Variants in RABGAP1L observed in about 807,000 individuals in gnomAD.
RABGAP1L encodes the protein RAB GTPase activating protein 1 like, also known as rab GTPase-activating protein 1-like.
A neutral mutation model predicts 137.7 loss-of-function variants in RABGAP1L; 63 were observed. The ratio of observed to expected loss-of-function variants is 0.46; its 90% CI spans 0.37 to 0.56. The LOEUF (loss-of-function observed/expected upper bound fraction) is 0.56, where lower values mean the gene tolerates loss of function less well. Ranked by LOEUF, RABGAP1L falls within the 20% of genes least tolerant of loss-of-function variation. The pLI is 0.00. For synonymous variants in RABGAP1L, 431 were observed against 433.7 expected (o/e 0.99, Z 0.08); for missense variants, 1,095 against 1,244.0 (o/e 0.88, Z 1.80).
At chr1:174,618,100 C>T (rs921680703) in intron 13 of RABGAP1L, among the ~76,000 whole-genome samples, 4 of 152,174 alleles carry the variant, frequency 2.6e-5, no homozygotes, top group African/African-American at 7.2e-5. Flanking sequence ...GTGGGAGGGG[C>T]GCCCGCCATT....
At chr1:174,420,000 A>G (rs377657568) in intron 13 of RABGAP1L, among the ~76,000 whole-genome samples, 2 of 152,186 alleles carry the variant, frequency 1.3e-5, no homozygotes, top group Admixed American at 6.5e-5. Context: ...TCATTCTTAT[A>G]CTATTAATAT....
chr1:174,786,312 A>C (rs1687442928), intron 18 of RABGAP1L, among the ~76,000 whole-genome samples: 2 of 152,242 alleles, frequency 1.3e-5, no homozygotes, highest in Non-Finnish European at 2.9e-5. Context: ...GGGAACTTTA[A>C]TGATTGGATT....
At chr1:174,756,664 G>T (rs1684791351) in intron 18 of RABGAP1L, among the ~76,000 whole-genome samples, 1 of 152,054 alleles carries the variant, frequency 6.6e-6, no homozygotes, top group Non-Finnish European at 1.5e-5. Context: ...GAAGGCGGAG[G>T]CATGCAAGAG....
rs150475376 is a variant in RABGAP1L at position 174,676,709 on chromosome 1, C to T, written c.1825-6813C>T. 1.1e-4 allele frequency among the ~76,000 whole-genome samples: 16 copies of T among 152,268 alleles called. No individual in the cohort carries two copies. The East Asian group carries it at 2.9e-3, about 28-fold the overall frequency. ...AGCATGGTCAGTAGTATTCCAACAT[C>T]TTTGGATACTGTTAGCTTCAGCCAT... On this transcript the variant is annotated intron_variant, in intron 14 of 25. Coordinates refer to ENST00000681986, the MANE Select transcript of RABGAP1L (RefSeq NM_001366446.1).
Position 174,883,701 on chromosome 1 carries a change from T to C in RABGAP1L, c.2340+71741T>C, listed in dbSNP as rs569472726. 5.3e-5 allele frequency among the ~76,000 whole-genome samples: 8 copies of C among 152,190 alleles called. No homozygotes were observed. The South Asian group carries it at 1.0e-3, about 20-fold the overall frequency. On this transcript the variant is annotated intron_variant, in intron 19 of 25. Coordinates refer to ENST00000681986, the MANE Select transcript of RABGAP1L (RefSeq NM_001366446.1). ...CAGTAATGAACTGGCAGGGCCCACA[T>C]TGACCAAGGAAAAAAATTGTAAAGG... is the stretch of plus-strand genomic sequence containing the variant.
intron 19 of RABGAP1L, among the ~76,000 whole-genome samples, chr1:174,882,739 C>T (rs1355832581): frequency 1.3e-5 from 2 of 152,092 alleles, no homozygotes; most frequent in African/African-American, 4.8e-5. Context: ...ATATCATACA[C>T]ACATGAGCAA....
chr1:174,347,741 G>T (rs773913496), intron 11 of RABGAP1L, among the ~76,000 whole-genome samples: 3 of 152,064 alleles, frequency 2.0e-5, no homozygotes, highest in East Asian at 3.9e-4. Flanking sequence ...TGATCTGCCC[G>T]CCTCGGCCTC....
intron 5 of RABGAP1L, among the ~76,000 whole-genome samples, chr1:174,249,343 A>G (rs1489537456): frequency 6.6e-6 from 1 of 152,152 alleles, no homozygotes; most frequent in East Asian, 1.9e-4. Flanking sequence ...TTCTGTATCT[A>G]GCCCCTGAGG....
chr1:174,670,293 G>C (rs953734725), intron 14 of RABGAP1L, among the ~76,000 whole-genome samples: 1 of 151,276 alleles, frequency 6.6e-6, no homozygotes, highest in Non-Finnish European at 1.5e-5. Context: ...TATATTTATG[G>C]GATACATGAG....
chr1:174,449,876 C>T (rs1655233193), intron 13 of RABGAP1L, among the ~76,000 whole-genome samples: 1 of 152,098 alleles, frequency 6.6e-6, no homozygotes, highest in Non-Finnish European at 1.5e-5. Flanking sequence ...CCCTGGTTTC[C>T]TAACAGTCTC....
chr1:174,324,124 T>C (rs1040612103), intron 11 of RABGAP1L, among the ~76,000 whole-genome samples: 6 of 151,222 alleles, frequency 4.0e-5, no homozygotes, highest in African/African-American at 1.2e-4. Context: ...TGGAAAGTCA[T>C]TTTTTTTTAG....
At chr1:174,254,065 A>G (rs563390787) in intron 7 of RABGAP1L, among the ~76,000 whole-genome samples, 1 of 151,898 alleles carries the variant, frequency 6.6e-6, no homozygotes, top group African/African-American at 2.4e-5. Flanking sequence ...TCTTAAATAT[A>G]GGAGAAGGTA....
intron 11 of RABGAP1L, among the ~76,000 whole-genome samples, chr1:174,361,805 C>T (rs534238536): frequency 9.2e-5 from 14 of 152,102 alleles, no homozygotes; most frequent in Non-Finnish European, 1.9e-4. Context: ...ATTCTAAGTT[C>T]TGTGGTACAT....
chr1:174,698,740 GA>G (rs1449965334), intron 15 of RABGAP1L, among the ~76,000 whole-genome samples: 1 of 151,696 alleles, frequency 6.6e-6, no homozygotes, highest in East Asian at 1.9e-4. Flanking sequence ...TATTGTTAAG[GA>G]AAAAAATCAA....
At chr1:174,755,550 G>A (rs1684680854) in intron 18 of RABGAP1L, among the ~76,000 whole-genome samples, 1 of 152,126 alleles carries the variant, frequency 6.6e-6, no homozygotes, top group East Asian at 1.9e-4. Context: ...CTTATTTCGT[G>A]TCCTACATGT....
intron 21 of RABGAP1L, among the ~76,000 whole-genome samples, chr1:174,969,610 ACT>A (rs1353743645): frequency 6.6e-6 from 1 of 151,886 alleles, no homozygotes; most frequent in Non-Finnish European, 1.5e-5. Context: ...ATACCTCTAA[ACT>A]CTGTTATGTC....
chr1:174,402,995 T>C (rs1330140360), intron 13 of RABGAP1L, among the ~76,000 whole-genome samples: 1 of 152,126 alleles, frequency 6.6e-6, no homozygotes, highest in African/African-American at 2.4e-5. Context: ...TTATATAACA[T>C]AGGAAATATT....
At chr1:174,611,770 A>G (rs1167895070) in intron 13 of RABGAP1L, among the ~76,000 whole-genome samples, 9 of 152,112 alleles carry the variant, frequency 5.9e-5, no homozygotes, top group Non-Finnish European at 1.3e-4. Flanking sequence ...GAGGTCCTTC[A>G]CGTCCCTTTT....
intron 19 of RABGAP1L, among the ~76,000 whole-genome samples, chr1:174,833,078 T>C (rs1429990175): frequency 6.6e-6 from 1 of 152,196 alleles, no homozygotes; most frequent in Admixed American, 6.5e-5. Flanking sequence ...TCAGAGTCTT[T>C]GCTTTACTAC....
Sources: allele counts gnomAD v4.1 joint callset (sites outside exome capture counted in the v4.1 genomes callset), GRCh38; gene constraint gnomAD v4.1.1; transcripts MANE v1.5; gene names NCBI Gene and HGNC (gene_info 2026-07-23, HGNC 2026-07-21).